Variants in TFDP2 observed in about 807,000 individuals in gnomAD.
TFDP2 encodes the protein transcription factor Dp-2, also known as transcription factor Dp-2 (E2F dimerization partner 2).
TFDP2 carries 17 observed loss-of-function variants against 59.3 expected under a neutral mutation model. That is an observed-to-expected ratio of 0.29 (90% CI 0.20 to 0.43). The LOEUF (loss-of-function observed/expected upper bound fraction) is 0.43, where lower values mean the gene tolerates loss of function less well. TFDP2 is among the 20% of genes least tolerant of loss of function. TFDP2 has a pLI of 1.00. For synonymous variants in TFDP2, 180 were observed against 194.7 expected, an observed-to-expected ratio of 0.92 and a Z score of 0.63; for missense variants, 391 against 528.8, an observed-to-expected ratio of 0.74 and a Z score of 2.56.
At chr3:141,978,479 A>G in intron 7 of TFDP2, 41 bp downstream of exon 7, 1 of 1,579,268 alleles carries the variant, frequency 6.3e-7, no homozygotes. Context: ...AAGAAGTAGC[A>G]TCATCCATCA....
intron 2 of TFDP2, among the ~76,000 whole-genome samples, chr3:142,097,918 A>G (rs1036718803): frequency 6.6e-6 from 1 of 152,092 alleles, no homozygotes; most frequent in East Asian, 1.9e-4. Flanking sequence ...CTCTGGCCCA[A>G]GTAGCTGGGA....
intron 1 of TFDP2, among the ~76,000 whole-genome samples, chr3:142,108,215 C>CTT (rs571958978): frequency 9.6e-5 from 14 of 145,434 alleles, no homozygotes; most frequent in South Asian, 2.2e-4. Context: ...TTGCCTTTCT[C>CTT]TTTTTTTTTT....
At chr3:141,973,123 A>ATATATATATTTTTTTTTTTTT in intron 8 of TFDP2, among the ~76,000 whole-genome samples, 10 of 58,012 alleles carry the variant, frequency 1.7e-4, no homozygotes, top group South Asian at 4.7e-4. Context: ...ATATATATAT[A>ATATATATATTTTTTTTTTTTT]TTTTTTTTTT....
At position 141,959,662 on chromosome 3, in the gene TFDP2, C is replaced by A; in HGVS notation, c.1051+12G>T. ...AATCAGGGACAACACATGAAAGCAT[C>A]AGTTAACATACCTGTGATATAACCT... On this transcript the variant is annotated intron_variant, in intron 11 of 12. Coordinates refer to ENST00000489671, the MANE Select transcript of TFDP2 (RefSeq NM_001178139.2). 2 of 1,610,054 alleles carry A rather than the reference C, an allele frequency of 1.2e-6. No homozygotes were observed. The highest frequency in any genetic ancestry group is 1.7e-6 in the Non-Finnish European group (2 of 1,177,506).
intron 1 of TFDP2, among the ~76,000 whole-genome samples, chr3:142,122,557 G>T (rs2108700277): frequency 6.6e-6 from 1 of 152,280 alleles, no homozygotes; most frequent in Middle Eastern, 3.4e-3. Context: ...TGGACTTAGG[G>T]AAGAAATTGA....
At chr3:142,096,477 A>G (rs2108630679) in intron 2 of TFDP2, among the ~76,000 whole-genome samples, 1 of 152,312 alleles carries the variant, frequency 6.6e-6, no homozygotes, top group African/African-American at 2.4e-5. Context: ...TCATGTCCTG[A>G]GGAAAATATG....
intron 3 of TFDP2, among the ~76,000 whole-genome samples, chr3:142,037,032 C>T (rs1170315702): frequency 6.6e-6 from 1 of 152,186 alleles, no homozygotes; most frequent in Admixed American, 6.5e-5. Context: ...ACTTCTTCCT[C>T]TACATTCCTA....
At chr3:142,038,750 G>A (rs1177798760) in intron 3 of TFDP2, among the ~76,000 whole-genome samples, 5 of 151,986 alleles carry the variant, frequency 3.3e-5, no homozygotes, top group Admixed American at 6.6e-5. Context: ...TTACAAAAAA[G>A]GGGATCACAC....
At chr3:142,060,707 G>A (rs531647327) in intron 3 of TFDP2, among the ~76,000 whole-genome samples, 49 of 152,270 alleles carry the variant, frequency 3.2e-4, no homozygotes, top group African/African-American at 1.1e-3. Flanking sequence ...AATAAATTCT[G>A]AGAACTACAC....
chr3:142,117,859 G>A (rs1451678513), intron 1 of TFDP2, among the ~76,000 whole-genome samples: 1 of 152,228 alleles, frequency 6.6e-6, no homozygotes, highest in East Asian at 1.9e-4. Flanking sequence ...CACTTTGGGA[G>A]GCTGAGGGAG....
intron 3 of TFDP2, among the ~76,000 whole-genome samples, chr3:142,069,205 C>T (rs571643820): frequency 1.6e-4 from 25 of 152,184 alleles, no homozygotes; most frequent in African/African-American, 5.8e-4. Flanking sequence ...TGAGACACCG[C>T]GCGCGGTTTC....
At chr3:142,048,411 T>C (rs778005946) in intron 3 of TFDP2, among the ~76,000 whole-genome samples, 14 of 150,650 alleles carry the variant, frequency 9.3e-5, no homozygotes, top group Admixed American at 8.6e-4. Context: ...AGACCCTGTC[T>C]TAAGGGAAAA....
intron 1 of TFDP2, among the ~76,000 whole-genome samples, chr3:142,113,813 G>A (rs1208199735): frequency 6.6e-6 from 1 of 152,120 alleles, no homozygotes; most frequent in African/African-American, 2.4e-5. Flanking sequence ...AAATGAAAAT[G>A]AAACAACTGT....
At chr3:141,991,287 T>C (rs1942735333) in intron 6 of TFDP2, among the ~76,000 whole-genome samples, 1 of 152,198 alleles carries the variant, frequency 6.6e-6, no homozygotes, top group Admixed American at 6.5e-5. Flanking sequence ...ATGTATAGTA[T>C]TGTATCTCAA....
intron 1 of TFDP2, among the ~76,000 whole-genome samples, chr3:142,146,953 C>T (rs1416241852): frequency 1.3e-5 from 2 of 150,806 alleles, no homozygotes; most frequent in African/African-American, 2.4e-5. Context: ...CCAAACATGG[C>T]GAGGTGTGTG....
intron 1 of TFDP2, among the ~76,000 whole-genome samples, chr3:142,146,399 T>A (rs376822546): frequency 1.3e-5 from 2 of 152,230 alleles, no homozygotes; most frequent in Non-Finnish European, 2.9e-5. Context: ...ATATATATAT[T>A]AATTATCTTC....
intron 2 of TFDP2, among the ~76,000 whole-genome samples, chr3:142,098,094 G>A (rs1040646207): frequency 8.6e-5 from 13 of 152,000 alleles, no homozygotes; most frequent in African/African-American, 3.1e-4. Context: ...CTGGGCCAAT[G>A]TCTATACATT....
intron 3 of TFDP2, among the ~76,000 whole-genome samples, chr3:142,045,631 T>A (rs1490931069): frequency 9.5e-6 from 1 of 105,504 alleles, no homozygotes; most frequent in African/African-American, 3.9e-5. Flanking sequence ...TTTTTTTTTT[T>A]AGACCAAGTC....
chr3:142,145,686 TG>T (rs1433522920), intron 1 of TFDP2: 1 of 151,742 alleles, frequency 6.6e-6, no homozygotes, highest in African/African-American at 2.4e-5. Flanking sequence ...CACTCCAGCC[TG>T]GGTGACAGAG....
Sources: allele counts gnomAD v4.1 joint callset (sites outside exome capture counted in the v4.1 genomes callset), GRCh38; gene constraint gnomAD v4.1.1; transcripts MANE v1.5; gene names NCBI Gene and HGNC (gene_info 2026-07-23, HGNC 2026-07-21).